Variants in C3orf22 observed in about 807,000 individuals in gnomAD.
C3orf22 encodes the protein uncharacterized protein C3orf22.
C3orf22 carries 7 observed loss-of-function variants against 10.8 expected under a neutral mutation model. That is an observed-to-expected ratio of 0.65 (90% CI 0.37 to 1.22). The LOEUF (loss-of-function observed/expected upper bound fraction) is 1.22. Ranked by LOEUF, C3orf22 falls within the 50% of genes most tolerant of loss-of-function variation. The pLI is 0.02. For synonymous variants in C3orf22, 79 were observed against 78.9 expected (o/e 1.00, Z 0.00); for missense variants, 173 against 177.0 (o/e 0.98, Z 0.13).
downstream of C3orf22, among the ~76,000 whole-genome samples, chr3:126,548,441 A>G (rs1216844193): frequency 1.3e-5 from 2 of 152,190 alleles, no homozygotes; most frequent in Non-Finnish European, 2.9e-5. Flanking sequence ...TGCATGGTAA[A>G]CATGCGTTGC....
At chr3:126,557,381 C>G (rs549836964) in intron 1 of C3orf22, among the ~76,000 whole-genome samples, 1 of 152,354 alleles carries the variant, frequency 6.6e-6, no homozygotes, top group African/African-American at 2.4e-5. Context: ...TGGAGAGGAG[C>G]CCCTGGGGAA....
At chr3:126,548,751 G>C (rs1354535902), downstream of C3orf22, among the ~76,000 whole-genome samples, 1 of 152,212 alleles carries the variant, frequency 6.6e-6, no homozygotes, top group East Asian at 1.9e-4. Flanking sequence ...TGACTCCAGG[G>C]TCTGCTTCGT....
chr3:126,529,648 CTT>C (rs1369620841), intron 4 of C3orf22, among the ~76,000 whole-genome samples: 1 of 152,132 alleles, frequency 6.6e-6, no homozygotes, highest in African/African-American at 2.4e-5. Context: ...CCCCACCATG[CTT>C]TGTCTCCTTC....
At chr3:126,531,598 A>G (rs1378148173) in intron 4 of C3orf22, among the ~76,000 whole-genome samples, 2 of 152,244 alleles carry the variant, frequency 1.3e-5, no homozygotes, top group African/African-American at 4.8e-5. Flanking sequence ...CTTTCACTTA[A>G]CATAACGTTT....
intron 3 of C3orf22, among the ~76,000 whole-genome samples, chr3:126,550,436 ATACT>A (rs1314203511): frequency 2.0e-5 from 3 of 152,190 alleles, no homozygotes; most frequent in African/African-American, 7.2e-5. Flanking sequence ...TGCCGGAGGC[ATACT>A]TACTTCTCTG....
At chr3:126,547,776 T>C (rs4679125), downstream of C3orf22, among the ~76,000 whole-genome samples, 2 of 152,098 alleles carry the variant, frequency 1.3e-5, no homozygotes, top group African/African-American at 2.4e-5. Context: ...TATCATGGGT[T>C]GGGGAGGGGA....
chr3:126,555,419 G>A (rs1937303313), intron 1 of C3orf22, among the ~76,000 whole-genome samples: 1 of 152,212 alleles, frequency 6.6e-6, no homozygotes, highest in Non-Finnish European at 1.5e-5. Context: ...ACACGGTGCA[G>A]GCTAGACCCC....
At chr3:126,557,524 T>C (rs1471204479) in intron 1 of C3orf22, among the ~76,000 whole-genome samples, 2 of 152,168 alleles carry the variant, frequency 1.3e-5, no homozygotes, top group Non-Finnish European at 2.9e-5. Flanking sequence ...GGTACTGGGC[T>C]AGCTGGGAGG....
At chr3:126,542,801 T>A in intron 4 of C3orf22, 2 of 500,958 alleles carry the variant, frequency 4.0e-6, no homozygotes, top group Non-Finnish European at 6.4e-6. Flanking sequence ...GCCTGAGGCC[T>A]GCTTCCTCCA....
intron 1 of C3orf22, among the ~76,000 whole-genome samples, chr3:126,556,217 C>T (rs1937325354): frequency 6.6e-6 from 1 of 152,124 alleles, no homozygotes; most frequent in Non-Finnish European, 1.5e-5. Flanking sequence ...CCTTTGACTC[C>T]CTCCGGCTGC....
At chr3:126,551,949 A>G (rs375243436) in intron 3 of C3orf22, 48 bp downstream of exon 3, 13 of 1,551,602 alleles carry the variant, frequency 8.4e-6, no homozygotes, top group African/African-American at 1.4e-5. Flanking sequence ...AAAGCCAGGC[A>G]GCATGCACAC....
At chr3:126,544,118 T>A (rs116369989) in intron 4 of C3orf22, among the ~76,000 whole-genome samples, 147 of 152,352 alleles carry the variant, frequency 9.6e-4, no homozygotes, top group African/African-American at 3.1e-3. Context: ...CACGGATCAA[T>A]TAATCCATTG....
downstream of C3orf22, among the ~76,000 whole-genome samples, chr3:126,544,965 TG>T (rs1220427940): frequency 1.3e-5 from 2 of 152,228 alleles, no homozygotes; most frequent in Admixed American, 1.3e-4. Context: ...AGGCTGTCCT[TG>T]GGGAACTCCA....
Position 126,552,080 on chromosome 3 carries a change from G to C in C3orf22, c.132C>G (p.Pro44=), listed in dbSNP as rs34760151. The change falls in exon 3 of 4, where the codon CCC becomes CCG. Residue 44 remains proline, a synonymous_variant. Coordinates refer to ENST00000318225, the MANE Select transcript of C3orf22 (RefSeq NM_152533.3). ...TGTTCGAGTCGTTTGTGACCTCCCA[G>C]GGCTGCAGGGGCTCAGGGTCGGGCT... ...LTEPDPEPLQ[P]WEVTNDSNTV... 0.041 allele frequency: 66,342 copies of C among 1,613,216 alleles called. 2,849 individuals carry two copies. Among genetic ancestry groups the C allele is most frequent in the African/African-American group, 0.22 (16,157 of 74,916 alleles).
Position 126,550,001 on chromosome 3 carries a change from C to A in C3orf22, c.293G>T (p.Cys98Phe), listed in dbSNP as rs751488553. The A allele has an allele frequency of 1.2e-6, 2 of 1,614,074 alleles. No homozygotes were observed. The highest frequency in any genetic ancestry group is 3.3e-5 in the Admixed American group (2 of 60,012). The change falls in exon 4 of 4, where the codon TGC (cysteine) becomes TTC (phenylalanine). Residue 98 changes from cysteine (C) to phenylalanine (F), a missense_variant. By Grantham distance (205) the Cys-to-Phe change is radical. Coordinates refer to ENST00000318225, the MANE Select transcript of C3orf22 (RefSeq NM_152533.3). Reference sequence around the variant, plus strand: ...CAGCAACTTGAGTTCCCAAAGGTTGCACAGTGGAGGTGGTGATGGTGCTGG... The same window carrying A: ...CAGCAACTTGAGTTCCCAAAGGTTGAACAGTGGAGGTGGTGATGGTGCTGG... ...PLPAPSPPPLCNLWELKLLSR... is the reference protein window; with the variant it reads ...PLPAPSPPPLFNLWELKLLSR...
chr3:126,542,599 C>T, intron 4 of C3orf22: 1 of 1,452,714 alleles, frequency 6.9e-7, no homozygotes, highest in South Asian at 1.5e-5. Context: ...GGTCCTGTGG[C>T]CACGCGGGGC....
intron 1 of C3orf22, among the ~76,000 whole-genome samples, chr3:126,555,767 A>T (rs1937314737): frequency 6.6e-6 from 1 of 152,058 alleles, no homozygotes; most frequent in Non-Finnish European, 1.5e-5. Flanking sequence ...AGACCCTCTA[A>T]CACCCTTGCC....
intron 4 of C3orf22, chr3:126,542,118 C>T: frequency 6.3e-7 from 1 of 1,577,202 alleles, no homozygotes; most frequent in South Asian, 1.1e-5. Context: ...AACAAGCTCG[C>T]GCGCCCCTAC....
At chr3:126,555,051 C>T (rs777556579) in intron 1 of C3orf22, among the ~76,000 whole-genome samples, 5 of 152,236 alleles carry the variant, frequency 3.3e-5, no homozygotes, top group African/African-American at 7.2e-5. Flanking sequence ...TAACTGTGAA[C>T]GGCTAGCTGC....
Sources: allele counts gnomAD v4.1 joint callset (sites outside exome capture counted in the v4.1 genomes callset), GRCh38; gene constraint gnomAD v4.1.1; transcripts MANE v1.5; gene names NCBI Gene and HGNC (gene_info 2026-07-23, HGNC 2026-07-21).